Variants in KIRREL3 observed in about 807,000 individuals in gnomAD.
KIRREL3 encodes kirre like nephrin family adhesion molecule 3.
Under a neutral mutation model 89.7 loss-of-function variants are expected in KIRREL3, and 36 were observed. The ratio of observed to expected loss-of-function variants is 0.40; its 90% confidence interval spans 0.31 to 0.53. The LOEUF is 0.53. KIRREL3 is among the 20% of genes least tolerant of loss of function. The pLI, the probability that KIRREL3 is intolerant of heterozygous loss-of-function variation, is 0.49. For synonymous variants in KIRREL3, 445 were observed against 441.4 expected (o/e 1.01, Z -0.10); for missense variants, 864 against 1,056.6 (o/e 0.82, Z 2.53).
chr11:126,907,935 C>T (rs1946652732), intron 1 of KIRREL3, among the ~76,000 whole-genome samples: 1 of 152,142 alleles, frequency 6.6e-6, no homozygotes, highest in African/African-American at 2.4e-5. Flanking sequence ...GCGTGGCTTG[C>T]TCCTCACTTT....
chr11:126,436,887 G>A lies in KIRREL3; in HGVS notation c.1476C>T (p.Asp492=). ...TLTISNIVRA[D]FQTIYNCTAW... is the part of the protein sequence containing the mutation. ...CCGTGCAGTTGTAGATGGTCTGGAA[G>A]TCGGCCCGCACGATGTTGCTGATGG... Residue 492 remains aspartate, a synonymous_variant, in exon 12 of 17, where the codon GAC becomes GAT. Coordinates refer to ENST00000525144, the MANE Select transcript of KIRREL3 (RefSeq NM_032531.4). 1 of 1,613,708 alleles carries A rather than the reference G, an allele frequency of 6.2e-7. No homozygotes were observed. Among genetic ancestry groups the A allele is most frequent in the Non-Finnish European group, 8.5e-7 (1 of 1,179,858 alleles).
chr11:126,662,683 C>T (rs1257935536), intron 1 of KIRREL3, among the ~76,000 whole-genome samples: 1 of 152,188 alleles, frequency 6.6e-6, no homozygotes, highest in African/African-American at 2.4e-5. Flanking sequence ...ACGTTGGCAA[C>T]ACCTGAATTT....
In KIRREL3 at chr11:126,525,380, C is replaced by G. The variant is rs1337519310; in HGVS notation, c.283+1158G>C. ...CTCTGAAATTGGCTGGTTCCCATAA[C>G]AGTTAAACTTTATGGCAGCACAGTA... is the stretch of plus-strand genomic sequence containing the variant. On this transcript the variant is annotated intron_variant, in intron 3 of 16. Coordinates refer to ENST00000525144, the MANE Select transcript of KIRREL3 (RefSeq NM_032531.4). This position sits in a 1 kb window ranked among gnomAD's most constrained non-coding sequence, Gnocchi z 5.4. Among the ~76,000 whole-genome samples the G allele has an allele frequency of 6.6e-6, 1 of 152,208 alleles. No individual in the cohort carries two copies. Among genetic ancestry groups the G allele is most frequent in the Non-Finnish European group, 1.5e-5 (1 of 68,042 alleles).
rs111710404 is a variant in KIRREL3 at position 126,712,677 on chromosome 11, G to A, written c.56-149765C>T. ...TGAGTCTCAAGAGGAGGGAAAGTGG[G>A]TAGGGTCTTTAAGTTTGGTACTGTG... is the stretch of plus-strand genomic sequence containing the variant. On this transcript the variant is annotated intron_variant, in intron 1 of 16. Transcript: ENST00000525144. Among the ~76,000 whole-genome samples, 299 of 144,534 alleles carry A rather than the reference G, an allele frequency of 2.1e-3. 1 individual carries two copies. Among genetic ancestry groups the A allele is most frequent in the African/African-American group, 7.9e-3 (271 of 34,274 alleles). The allele number at this position is 144,534 out of a possible 152,430, so 94.8% of individuals were successfully genotyped here.
chr11:126,508,079 C>T lies in KIRREL3; in HGVS notation c.433+13236G>A, dbSNP rs1432051505. On this transcript the variant is annotated intron_variant, in intron 4 of 16. Coordinates refer to ENST00000525144, the MANE Select transcript of KIRREL3 (RefSeq NM_032531.4). The surrounding 1 kb of genome is among the most constrained non-coding windows in gnomAD (Gnocchi z 4.9). ...TGGCTGTGTGGCCATCAGCCTTCTC[C>T]TCCCTTTCTTGCCTGCACCACTGAA... 6.6e-6 allele frequency among the ~76,000 whole-genome samples: 1 copy of T among 152,184 alleles called. No individual in the cohort carries two copies. The highest frequency in any genetic ancestry group is 1.5e-5 in the Non-Finnish European group (1 of 68,032).
rs151171062 is a variant in KIRREL3 at position 126,477,648 on chromosome 11, C to T, written c.434-4182G>A. Among the ~76,000 whole-genome samples, 931 of 152,314 alleles carry T rather than the reference C, an allele frequency of 6.1e-3. 3 individuals are homozygous for T. The highest frequency in any genetic ancestry group is 0.011 in the Non-Finnish European group (757 of 68,028). On this transcript the variant is annotated intron_variant, in intron 4 of 16. Coordinates refer to ENST00000525144, the MANE Select transcript of KIRREL3 (RefSeq NM_032531.4). This position sits in a 1 kb window ranked among gnomAD's most constrained non-coding sequence, Gnocchi z 4.8. The stretch of plus-strand genomic sequence containing the variant: ...GACAGTTTGCCAGGTTGGCCAGCCT[C>T]GTCTGAGCAGGCTGGAAAAACTCTC...
At chr11:126,960,731 T>A (rs1365350115) in intron 1 of KIRREL3, among the ~76,000 whole-genome samples, 3 of 152,208 alleles carry the variant, frequency 2.0e-5, no homozygotes, top group African/African-American at 7.2e-5. Context: ...TATTTATCAA[T>A]GTATTTTTTT....
intron 2 of KIRREL3, chr11:126,549,348 G>A (rs1200659310): frequency 6.6e-6 from 1 of 152,170 alleles, no homozygotes; most frequent in Non-Finnish European, 1.5e-5. Flanking sequence ...GAGTTAGGGG[G>A]AAAACGCGGC....
At chr11:126,774,724 C>T (rs1463243978) in intron 1 of KIRREL3, among the ~76,000 whole-genome samples, 1 of 152,168 alleles carries the variant, frequency 6.6e-6, no homozygotes, top group Non-Finnish European at 1.5e-5. Flanking sequence ...GACAACTAAG[C>T]CCATGGGCTG....
At chr11:126,935,053 T>TA (rs35155401) in intron 1 of KIRREL3, 101,022 of 135,208 alleles carry the variant, frequency 0.75, 38,409 homozygotes, top group Middle Eastern at 0.91. Context: ...GACTCCGTCT[T>TA]AAAAAAAAAA....
chr11:126,596,919 A>T (rs1162416272), intron 1 of KIRREL3, among the ~76,000 whole-genome samples: 1 of 152,222 alleles, frequency 6.6e-6, no homozygotes, highest in East Asian at 1.9e-4. Flanking sequence ...CTGCAGATCC[A>T]TCTACCAGTT....
At position 126,643,176 on chromosome 11, in the gene KIRREL3, A is replaced by G. The variant is rs927726280; in HGVS notation, c.56-80264T>C. On this transcript the variant is annotated intron_variant, in intron 1 of 16. Coordinates refer to ENST00000525144, the MANE Select transcript of KIRREL3 (RefSeq NM_032531.4). This position sits in a 1 kb window ranked among gnomAD's most constrained non-coding sequence, Gnocchi z 4.5. ...AAACAAGCATAGCTTCAATTTTCCT[A>G]TTTCTATAACAAGAATATTAATGGT... 1.3e-5 allele frequency among the ~76,000 whole-genome samples: 2 copies of G among 152,226 alleles called. No homozygotes were observed. The highest frequency in any genetic ancestry group is 2.9e-5 in the Non-Finnish European group (2 of 68,040).
rs11442624 is a variant in KIRREL3 at position 126,856,619 on chromosome 11, AT to A, written c.55+143835del. ...TATGTATATATACACACAGACATATATTTTTTTTTTCTTTGAGACCGAGTCT... is the reference window on the plus strand; with the variant it reads ...TATGTATATATACACACAGACATATATTTTTTTTTCTTTGAGACCGAGTCT... On this transcript the variant is annotated intron_variant, in intron 1 of 16. Coordinates refer to ENST00000525144, the MANE Select transcript of KIRREL3 (RefSeq NM_032531.4). Among the ~76,000 whole-genome samples, 208 of 139,586 alleles carry A rather than the reference AT, an allele frequency of 1.5e-3. 1 individual carries two copies. Among genetic ancestry groups the A allele is most frequent in the African/African-American group, 5.0e-3 (191 of 37,964 alleles). 91.6% of individuals were successfully genotyped at this position (139,586 alleles called of 152,430 possible).
intron 1 of KIRREL3, among the ~76,000 whole-genome samples, chr11:126,816,043 T>G (rs1951562561): frequency 6.6e-6 from 1 of 152,232 alleles, no homozygotes; most frequent in Non-Finnish European, 1.5e-5. Context: ...ACCTCTTTCC[T>G]TGTTATTTAT....
rs556658130 is a variant in KIRREL3 at position 126,526,289 on chromosome 11, C to T, written c.283+249G>A. ...TGGAGTAGGTGCTTGAGGGCAATGT[C>T]GAGTTAGGTTAGGACCCACCGCTAG... is the stretch of plus-strand genomic sequence containing the variant. On this transcript the variant is annotated intron_variant, in intron 3 of 16. Transcript: ENST00000525144. This position sits in a 1 kb window ranked among gnomAD's most constrained non-coding sequence, Gnocchi z 5.7. 2.6e-5 allele frequency among the ~76,000 whole-genome samples: 4 copies of T among 152,226 alleles called. No individual in the cohort carries two copies. In the South Asian group the frequency reaches 6.2e-4, roughly 24 times the overall value.
In KIRREL3 at chr11:126,562,490, G is replaced by A. The variant is rs1210877866; in HGVS notation, c.133+345C>T. ...AGTGATGGAGGAGGCAAGTAGAGAG[G>A]TCTGGATTAGAAATGAAAATAGGAG... is the stretch of plus-strand genomic sequence containing the variant. On this transcript the variant is annotated intron_variant, in intron 2 of 16. Transcript: ENST00000525144. This position sits in a 1 kb window ranked among gnomAD's most constrained non-coding sequence, Gnocchi z 4.7. Among the ~76,000 whole-genome samples the A allele has an allele frequency of 8.5e-5, 13 of 152,198 alleles. No individual in the cohort carries two copies. The highest frequency in any genetic ancestry group is 8.5e-4 in the Admixed American group (13 of 15,288).
In KIRREL3 at chr11:126,656,762, A is replaced by G. The variant is rs1945156498; in HGVS notation, c.56-93850T>C. ...CATAACCTATCTCTTATGAAAATAA[A>G]TGAAACTGGCTAGGCGTGGTGGCTC... is the stretch of plus-strand genomic sequence containing the variant. On this transcript the variant is annotated intron_variant, in intron 1 of 16. Transcript: ENST00000525144. This position sits in a 1 kb window ranked among gnomAD's most constrained non-coding sequence, Gnocchi z 4.0. 6.6e-6 allele frequency among the ~76,000 whole-genome samples: 1 copy of G among 152,242 alleles called. No homozygotes were observed. The highest frequency in any genetic ancestry group is 2.4e-5 in the African/African-American group (1 of 41,470).
Position 127,000,163 on chromosome 11 carries a change from G to A in KIRREL3, c.55+292C>T, listed in dbSNP as rs1475273662. ...GAGATACTACCTAATTAACATACCA[G>A]AAGCATAAAGAACTCATTTGCATTG... On this transcript the variant is annotated intron_variant, in intron 1 of 16. Coordinates refer to ENST00000525144, the MANE Select transcript of KIRREL3 (RefSeq NM_032531.4). This position sits in a 1 kb window ranked among gnomAD's most constrained non-coding sequence, Gnocchi z 7.1. 5.9e-5 allele frequency among the ~76,000 whole-genome samples: 9 copies of A among 152,138 alleles called. No individual in the cohort carries two copies. The highest frequency in any genetic ancestry group is 5.9e-4 in the Admixed American group (9 of 15,276).
rs1324339346 is a variant in KIRREL3, at chr11:126,531,480, G to A, written c.134-4793C>T. On this transcript the variant is annotated intron_variant, in intron 2 of 16. Coordinates refer to ENST00000525144, the MANE Select transcript of KIRREL3 (RefSeq NM_032531.4). This position sits in a 1 kb window ranked among gnomAD's most constrained non-coding sequence, Gnocchi z 4.7. ...TTCCTGGGAGCTCCACAGCACCCCC[G>A]TGCTGGCTAGTCACTAAGGTCACCT... 2.6e-5 allele frequency among the ~76,000 whole-genome samples: 4 copies of A among 151,910 alleles called. No homozygotes were observed. Among genetic ancestry groups the A allele is most frequent in the Non-Finnish European group, 5.9e-5 (4 of 67,988 alleles).
Sources: gnomAD v4.1 joint callset for allele counts (sites outside exome capture counted in the v4.1 genomes callset) on GRCh38, gnomAD v4.1.1 for gene constraint, Gnocchi (gnomAD v3.1) non-coding constraint, MANE v1.5 for transcripts, NCBI Gene and HGNC (gene_info 2026-07-23, HGNC 2026-07-21) for gene names.